LOXL2: variants seen among roughly 807,000 people sequenced by gnomAD.
LOXL2 encodes lysyl oxidase like 2, also known as lysyl oxidase homolog 2.
Under a neutral mutation model 93.0 loss-of-function variants are expected in LOXL2, and 70 were observed. That is an observed-to-expected ratio of 0.75 (90% CI 0.62 to 0.92). The LOEUF (loss-of-function observed/expected upper bound fraction) is 0.92. LOXL2 is among the 40% of genes least tolerant of loss of function. The probability of loss-of-function intolerance (pLI) is 0.00; values close to 1 mark genes in which losing one functional copy is unlikely to be tolerated. For missense variants in LOXL2, 973 were observed against 1,054.9 expected, an observed-to-expected ratio of 0.92 and a Z score of 1.08; for synonymous variants, 438 against 413.2, an observed-to-expected ratio of 1.06 and a Z score of -0.73.
chr8:23,330,025 T>TA (rs888196929), intron 5 of LOXL2, among the ~76,000 whole-genome samples: 12 of 151,186 alleles, frequency 7.9e-5, no homozygotes, highest in East Asian at 1.9e-4. Context: ...ACCCTAGCTT[T>TA]AAAAAAAAAC....
Position 23,309,756 on chromosome 8 carries a change from G to C in LOXL2, c.1792C>G (p.Arg598Gly). The change falls in exon 10 of 14, where the codon CGC becomes GGC. Residue 598 changes from arginine (R) to glycine (G), a missense_variant. By Grantham distance (125) the Arg-to-Gly change is moderately radical (BLOSUM62 -2). Coordinates refer to ENST00000389131, the MANE Select transcript of LOXL2 (RefSeq NM_002318.3). Reference sequence around the variant, plus strand: ...TTGTTGTGGATCTGGGAGGAGAAGCGCAGGAGCCGGCGGTAGCCCGTGGTG... The same window carrying C: ...TTGTTGTGGATCTGGGAGGAGAAGCCCAGGAGCCGGCGGTAGCCCGTGGTG... ...DPTTGYRRLL[R>G]FSSQIHNNGQ... is the part of the protein sequence containing the mutation. 1 of 1,601,850 alleles carries C rather than the reference G, an allele frequency of 6.2e-7. No homozygotes were observed. The highest frequency in any genetic ancestry group is 8.5e-7 in the Non-Finnish European group (1 of 1,174,572).
chr8:23,361,391 G>A (rs1319347997), intron 2 of LOXL2, among the ~76,000 whole-genome samples: 4 of 152,026 alleles, frequency 2.6e-5, no homozygotes, highest in Non-Finnish European at 5.9e-5. Flanking sequence ...ACTGGCCCAC[G>A]GAGCCACCTC....
At chr8:23,347,252 G>A (rs1251235203) in intron 3 of LOXL2, among the ~76,000 whole-genome samples, 1 of 151,960 alleles carries the variant, frequency 6.6e-6, no homozygotes, top group African/African-American at 2.4e-5. Flanking sequence ...AGCGACTCAG[G>A]AGGCTGAGGC....
chr8:23,359,982 C>T (rs1310918983), intron 3 of LOXL2, 108 bp downstream of exon 3: 1 of 1,030,366 alleles, frequency 9.7e-7, no homozygotes, highest in Non-Finnish European at 1.5e-6. Flanking sequence ...GGGTGAGGTA[C>T]CCTCCTTCCT....
intron 3 of LOXL2, among the ~76,000 whole-genome samples, chr8:23,354,586 C>CTGTGTGTGTGTGTGTG (rs1273748577): frequency 1.4e-4 from 17 of 123,640 alleles, no homozygotes; most frequent in African/African-American, 6.2e-4. Flanking sequence ...GGCATCCCTT[C>CTGTGTGTGTGTGTGTG]TCTGTGTGTG....
At chr8:23,323,548 C>T (rs574888504) in intron 6 of LOXL2, among the ~76,000 whole-genome samples, 4 of 152,368 alleles carry the variant, frequency 2.6e-5, no homozygotes, top group South Asian at 4.1e-4. Context: ...CTTGCTCAAG[C>T]GGCAGTGAGC....
intron 3 of LOXL2, among the ~76,000 whole-genome samples, chr8:23,349,752 A>T (rs1439847268): frequency 6.6e-6 from 1 of 151,920 alleles, no homozygotes; most frequent in African/African-American, 2.4e-5. Context: ...TGTATTACCC[A>T]CACAGTAAGA....
chr8:23,365,972 C>T (rs1418321088), intron 2 of LOXL2: 3 of 152,282 alleles, frequency 2.0e-5, no homozygotes, highest in African/African-American at 7.2e-5. Context: ...TTTCACTCTT[C>T]ACCACGCTTG....
At chr8:23,378,847 T>G (rs931562415) in intron 1 of LOXL2, among the ~76,000 whole-genome samples, 2 of 152,216 alleles carry the variant, frequency 1.3e-5, no homozygotes, top group South Asian at 4.1e-4. Context: ...TCATCTAATC[T>G]TTTTTCAAGG....
chr8:23,324,309 C>G (rs2117162251), intron 6 of LOXL2, among the ~76,000 whole-genome samples: 2 of 152,332 alleles, frequency 1.3e-5, no homozygotes, highest in South Asian at 4.1e-4. Flanking sequence ...GTGGCTGTCT[C>G]AGACATCTGG....
intron 5 of LOXL2, among the ~76,000 whole-genome samples, chr8:23,333,035 A>G (rs915550480): frequency 1.3e-5 from 2 of 152,098 alleles, no homozygotes; most frequent in Non-Finnish European, 2.9e-5. Context: ...GTTGCAAAAT[A>G]AACCAAACAT....
intron 1 of LOXL2, among the ~76,000 whole-genome samples, chr8:23,401,021 T>C (rs1277523941): frequency 2.6e-5 from 4 of 152,178 alleles, no homozygotes; most frequent in Non-Finnish European, 5.9e-5. Flanking sequence ...AGAAGAACTC[T>C]TCAGAGAGCA....
intron 3 of LOXL2, among the ~76,000 whole-genome samples, chr8:23,346,145 AT>A (rs376236844): frequency 0.25 from 20,803 of 83,304 alleles, 2,006 homozygotes; most frequent in East Asian, 0.33. Flanking sequence ...AATAAAATAA[AT>A]AAAATAAAAT....
intron 1 of LOXL2, among the ~76,000 whole-genome samples, chr8:23,375,781 C>A (rs138678943): frequency 1.3e-5 from 2 of 151,870 alleles, no homozygotes; most frequent in African/African-American, 2.4e-5. Flanking sequence ...TATTTGCACA[C>A]TGATTTTGTA....
intron 8 of LOXL2, among the ~76,000 whole-genome samples, 182 bp from the exon 9 acceptor site, chr8:23,317,296 T>C (rs1202971273): frequency 6.6e-6 from 1 of 152,160 alleles, no homozygotes; most frequent in Non-Finnish European, 1.5e-5. Flanking sequence ...TGAGTGGGAA[T>C]CCAGGTCTCC....
chr8:23,347,533 C>A (rs66709884), intron 3 of LOXL2, among the ~76,000 whole-genome samples: 43,847 of 151,938 alleles, frequency 0.29, 8,150 homozygotes, highest in African/African-American at 0.53. Context: ...ATCTGTAATC[C>A]CAGCTACTTG....
intron 3 of LOXL2, among the ~76,000 whole-genome samples, chr8:23,355,768 C>T (rs559933318): frequency 6.6e-6 from 1 of 151,780 alleles, no homozygotes; most frequent in African/African-American, 2.4e-5. Context: ...TGCCACCATG[C>T]CACGTTAATT....
rs550810732 is a variant in LOXL2, at chr8:23,314,369, G to A, written c.1636+2580C>T. On this transcript the variant is annotated intron_variant, in intron 9 of 13. Transcript: ENST00000389131. ...GTATGTTTATTGCGGTACTATTCAC[G>A]ATAGCAAAGACTTGGAACCAACCCA... 3.4e-3 allele frequency among the ~76,000 whole-genome samples: 481 copies of A among 142,930 alleles called. 1 individual carries two copies. The highest frequency in any genetic ancestry group is 0.01 in the Admixed American group (137 of 13,690). 93.8% of individuals were successfully genotyped at this position (142,930 alleles called of 152,430 possible).
chr8:23,390,881 A>T (rs535924255), intron 1 of LOXL2, among the ~76,000 whole-genome samples: 3 of 152,172 alleles, frequency 2.0e-5, no homozygotes, highest in Non-Finnish European at 4.4e-5. Flanking sequence ...AAAGAAAAAG[A>T]GGTGTAATGG....
Sources: allele counts gnomAD v4.1 joint callset (sites outside exome capture counted in the v4.1 genomes callset), GRCh38; gene constraint gnomAD v4.1.1; transcripts MANE v1.5; gene names NCBI Gene and HGNC (gene_info 2026-07-23, HGNC 2026-07-21).